Variants in ERICH6B observed in about 807,000 individuals in gnomAD.
ERICH6B encodes the protein glutamate-rich protein 6B.
A neutral mutation model predicts 80.0 loss-of-function variants in ERICH6B; 69 were observed. That is an observed-to-expected ratio of 0.86 (90% CI 0.71 to 1.05). ERICH6B has a LOEUF of 1.05. Among genes scored for constraint, ERICH6B ranks in the 50% least tolerant of loss-of-function variants. ERICH6B has a pLI of 0.00. For missense variants in ERICH6B, 754 were observed against 796.1 expected, an observed-to-expected ratio of 0.95 and a Z score of 0.64; for synonymous variants, 283 against 291.9, an observed-to-expected ratio of 0.97 and a Z score of 0.31.
intron 3 of ERICH6B, among the ~76,000 whole-genome samples, chr13:45,594,709 G>A (rs1211334692): frequency 1.3e-5 from 2 of 152,196 alleles, no homozygotes; most frequent in Admixed American, 1.3e-4. Flanking sequence ...AGAATGCCCA[G>A]CTTTTAGGAT....
intron 5 of ERICH6B, among the ~76,000 whole-genome samples, chr13:45,586,066 C>T (rs1235045219): frequency 3.3e-5 from 5 of 152,270 alleles, no homozygotes; most frequent in East Asian, 3.9e-4. Context: ...CTCAGATTTT[C>T]TCGGTGGTCA....
At position 45,596,601 on chromosome 13, in the gene ERICH6B, C is replaced by T. The variant is rs761264910; in HGVS notation, c.405G>A (p.Glu135=). 4.5e-5 allele frequency: 21 copies of T among 465,640 alleles called. No individual in the cohort carries two copies. Among genetic ancestry groups the T allele is most frequent in the Non-Finnish European group, 7.1e-5 (20 of 283,450 alleles). The allele number at this position is 465,640 out of a possible 1,614,324, so 28.8% of individuals were successfully genotyped here. The change falls in exon 3 of 15, where the codon GAG becomes GAA. Residue 135 remains glutamate (E), a synonymous_variant. Transcript: ENST00000298738. ...EEYLGKEEHL[E]EEEYLGKEGY... is the part of the protein sequence containing the mutation. Reference sequence around the variant, plus strand: ...CTTCCTTCCCCAGATACTCTTCCTCCTCCAGATGCTCTTCCTTCCCCAGGT... The same window carrying T: ...CTTCCTTCCCCAGATACTCTTCCTCTTCCAGATGCTCTTCCTTCCCCAGGT...
intron 9 of ERICH6B, among the ~76,000 whole-genome samples, chr13:45,564,935 A>G (rs1446288495): frequency 6.6e-6 from 1 of 152,204 alleles, no homozygotes; most frequent in Non-Finnish European, 1.5e-5. Flanking sequence ...TGGAATCCCC[A>G]TCAGGCGGCT....
Position 45,596,557 on chromosome 13 carries a change from TCTTCCTTCTCCAGATACC to T in ERICH6B, c.431_448del (p.Gly144_Glu149del). 1 of 1,551,220 alleles carries T rather than the reference TCTTCCTTCTCCAGATACC, an allele frequency of 6.4e-7. No homozygotes were observed. Among genetic ancestry groups the T allele is most frequent in the South Asian group, 1.2e-5 (1 of 84,000 alleles). On this transcript the variant is annotated inframe_deletion, in exon 3 of 15. Transcript: ENST00000298738. ...CAGATAATCTACCTCCTCAATATAA[TCTTCCTTCTCCAGATACC>T]CTTCCTTCCCCAGATACTCTTCCTC...
At position 45,573,097 on chromosome 13, in the gene ERICH6B, C is replaced by T. The variant is rs527493257; in HGVS notation, c.1050+1745G>A. On this transcript the variant is annotated intron_variant, in intron 8 of 14. Coordinates refer to ENST00000298738, the MANE Select transcript of ERICH6B (RefSeq NM_182542.3). ...CAGCATCAACTGCTAGAAATTTATTCTTTACATACACTTGCATTTGTATGT... is the reference window on the plus strand; with the variant it reads ...CAGCATCAACTGCTAGAAATTTATTTTTTACATACACTTGCATTTGTATGT... 1.4e-4 allele frequency among the ~76,000 whole-genome samples: 21 copies of T among 152,168 alleles called. 1 individual carries two copies. The South Asian group carries it at 4.4e-3, about 32-fold the overall frequency.
chr13:45,547,301 A>C (rs1874031504), intron 13 of ERICH6B, among the ~76,000 whole-genome samples: 2 of 152,228 alleles, frequency 1.3e-5, no homozygotes, highest in South Asian at 4.1e-4. Context: ...TGGGGAGCAG[A>C]TCCTGCTAGC....
intron 9 of ERICH6B, among the ~76,000 whole-genome samples, chr13:45,567,819 C>A (rs111959801): frequency 6.6e-6 from 1 of 152,214 alleles, no homozygotes; most frequent in Admixed American, 6.5e-5. Flanking sequence ...CTGGCCATGA[C>A]CCCAGGTCAG....
At chr13:45,607,954 T>C (rs920208873) in intron 1 of ERICH6B, among the ~76,000 whole-genome samples, 1 of 152,202 alleles carries the variant, frequency 6.6e-6, no homozygotes, top group Non-Finnish European at 1.5e-5. Flanking sequence ...GAAACAGTGA[T>C]ACTTGACATC....
At chr13:45,582,472 C>A (rs570265760) in intron 5 of ERICH6B, among the ~76,000 whole-genome samples, 25 of 152,322 alleles carry the variant, frequency 1.6e-4, no homozygotes, top group African/African-American at 6.0e-4. Flanking sequence ...ATATCAATGA[C>A]CAATATCTTT....
chr13:45,612,679 C>G (rs1367933541), intron 1 of ERICH6B, among the ~76,000 whole-genome samples: 3 of 152,212 alleles, frequency 2.0e-5, no homozygotes, highest in Non-Finnish European at 4.4e-5. Context: ...AGGGCTCTTC[C>G]TCCCGCTGCT....
At chr13:45,575,976 A>C (rs1217232442) in intron 7 of ERICH6B, among the ~76,000 whole-genome samples, 4 of 152,212 alleles carry the variant, frequency 2.6e-5, no homozygotes, top group Non-Finnish European at 2.9e-5. Flanking sequence ...CTTTCCAGCT[A>C]GCCCCTCTGG....
intron 6 of ERICH6B, 23 bp downstream of exon 6, chr13:45,580,580 T>C: frequency 6.4e-7 from 1 of 1,550,798 alleles, no homozygotes; most frequent in Non-Finnish European, 8.7e-7. Flanking sequence ...CTACAGATCA[T>C]TTAAAATCAT....
intron 1 of ERICH6B, among the ~76,000 whole-genome samples, chr13:45,613,793 A>G (rs997994604): frequency 6.6e-6 from 1 of 152,188 alleles, no homozygotes; most frequent in Non-Finnish European, 1.5e-5. Context: ...TTTTAGTGGG[A>G]TAGCAAGAAC....
intron 6 of ERICH6B, among the ~76,000 whole-genome samples, chr13:45,580,329 A>G (rs2138001103): frequency 6.6e-6 from 1 of 152,246 alleles, no homozygotes; most frequent in African/African-American, 2.4e-5. Context: ...AACATTATCT[A>G]CCCTCCTAAT....
chr13:45,605,634 CA>C (rs1203614323), intron 2 of ERICH6B, among the ~76,000 whole-genome samples: 1 of 152,224 alleles, frequency 6.6e-6, no homozygotes, highest in Admixed American at 6.5e-5. Context: ...TGCCAAATGT[CA>C]TGTGTGTTTT....
intron 13 of ERICH6B, among the ~76,000 whole-genome samples, chr13:45,545,908 A>G (rs950240405): frequency 2.6e-5 from 4 of 152,212 alleles, no homozygotes; most frequent in Non-Finnish European, 5.9e-5. Context: ...GTTACATATT[A>G]TATATGTATG....
intron 7 of ERICH6B, among the ~76,000 whole-genome samples, chr13:45,577,805 C>G (rs1379316731): frequency 6.6e-6 from 1 of 152,098 alleles, no homozygotes; most frequent in Admixed American, 6.5e-5. Context: ...GTTGCCCAGG[C>G]TAGTCTCAAA....
intron 5 of ERICH6B, among the ~76,000 whole-genome samples, chr13:45,584,764 G>A (rs916029762): frequency 3.9e-5 from 6 of 152,170 alleles, no homozygotes; most frequent in African/African-American, 1.4e-4. Flanking sequence ...CCAGTTCTTT[G>A]GGTTGTGTTT....
chr13:45,613,210 G>A (rs1949909517), intron 1 of ERICH6B, among the ~76,000 whole-genome samples: 1 of 152,056 alleles, frequency 6.6e-6, no homozygotes, highest in East Asian at 1.9e-4. Flanking sequence ...AAAGGCTACA[G>A]AGTTCTGGGA....
Sources: gnomAD v4.1 joint callset for allele counts (sites outside exome capture counted in the v4.1 genomes callset) on GRCh38, gnomAD v4.1.1 for gene constraint, MANE v1.5 for transcripts, NCBI Gene and HGNC (gene_info 2026-07-23, HGNC 2026-07-21) for gene names.